The following GABRR3 variants were observed in gnomAD, a reference collection of about 807,000 sequenced individuals.
GABRR3 encodes gamma-aminobutyric acid type A receptor subunit rho3, also known as gamma-aminobutyric acid receptor subunit rho-3.
GABRR3 carries 29 observed loss-of-function variants against 43.2 expected under a neutral mutation model. The ratio of observed to expected loss-of-function variants is 0.67; its 90% confidence interval spans 0.50 to 0.92. The LOEUF (loss-of-function observed/expected upper bound fraction) is 0.92. Ranked by LOEUF, GABRR3 falls within the 40% of genes least tolerant of loss-of-function variation. The pLI is 0.00. For synonymous variants in GABRR3, 206 were observed against 195.9 expected, an observed-to-expected ratio of 1.05 and a Z score of -0.43; for missense variants, 576 against 572.3, an observed-to-expected ratio of 1.01 and a Z score of -0.07.
chr3:98,002,428 C>T (rs548286660), intron 7 of GABRR3, among the ~76,000 whole-genome samples: 13 of 152,256 alleles, frequency 8.5e-5, no homozygotes, highest in African/African-American at 2.6e-4. Context: ...GTGGTGACAT[C>T]CACACACACA....
rs753675514 is a variant in GABRR3, at chr3:98,030,721, A to G, written c.125+4142T>C. 5.8e-4 allele frequency among the ~76,000 whole-genome samples: 89 copies of G among 152,350 alleles called. 1 individual carries two copies. Among genetic ancestry groups the G allele is most frequent in the Non-Finnish European group, 1.1e-3 (77 of 68,038 alleles). On this transcript the variant is annotated intron_variant, in intron 2 of 9. Coordinates refer to ENST00000621172, the Ensembl canonical transcript of GABRR3. ...CCATTCTCCTTGTCATTCTAGAAGC[A>G]TGGCCTCTTGATAACATGGACGTTT...
intron 3 of GABRR3, among the ~76,000 whole-genome samples, chr3:98,018,004 CTT>C (rs10710938): frequency 0.026 from 3,583 of 136,942 alleles, 109 homozygotes; most frequent in African/African-American, 0.082. Context: ...CTCCAGTTTT[CTT>C]TTTTTTTTTT....
intron 8 of GABRR3, 177 bp downstream of exon 8, chr3:98,001,438 A>G (rs1355901970): frequency 9.7e-6 from 6 of 619,110 alleles, no homozygotes; most frequent in Non-Finnish European, 1.7e-5. Flanking sequence ...CAAGGAAAGA[A>G]CTCAATTACA....
chr3:98,024,366 C>CAAAAAAAA (rs35090836), intron 3 of GABRR3, among the ~76,000 whole-genome samples: 5 of 42,468 alleles, frequency 1.2e-4, no homozygotes, highest in African/African-American at 2.4e-4. Flanking sequence ...GACTCCGTCT[C>CAAAAAAAA]AAAAAAAAAA....
At chr3:98,027,547 G>C (rs1665304303) in intron 2 of GABRR3, among the ~76,000 whole-genome samples, 1 of 152,232 alleles carries the variant, frequency 6.6e-6, no homozygotes, top group African/African-American at 2.4e-5. Context: ...TCCCAAGAAT[G>C]CTTAAGACAG....
At chr3:98,016,062 C>G (rs1240423872) in intron 4 of GABRR3, among the ~76,000 whole-genome samples, 1 of 152,078 alleles carries the variant, frequency 6.6e-6, no homozygotes, top group East Asian at 1.9e-4. Flanking sequence ...GGGAAACTGC[C>G]ACTTTCAAAT....
At chr3:97,989,696 G>A (rs1706437620) in intron 9 of GABRR3, among the ~76,000 whole-genome samples, 1 of 152,012 alleles carries the variant, frequency 6.6e-6, no homozygotes, top group African/African-American at 2.4e-5. Flanking sequence ...TCCCTTTTGA[G>A]TCCTCCATTT....
At chr3:98,029,281 C>T (rs1707057770) in intron 2 of GABRR3, among the ~76,000 whole-genome samples, 1 of 152,118 alleles carries the variant, frequency 6.6e-6, no homozygotes, top group African/African-American at 2.4e-5. Flanking sequence ...CTCTTCCTTC[C>T]TGGGTCACAC....
At chr3:98,021,164 C>A (rs1042234672) in intron 3 of GABRR3, among the ~76,000 whole-genome samples, 7 of 152,038 alleles carry the variant, frequency 4.6e-5, no homozygotes, top group Admixed American at 3.9e-4. Context: ...TGCACCAGGC[C>A]GTCATTTCTG....
At chr3:98,001,828 G>T in intron 7 of GABRR3, 61 bp from the exon 8 acceptor site, 1 of 1,578,092 alleles carries the variant, frequency 6.3e-7, no homozygotes, top group Non-Finnish European at 8.7e-7. Flanking sequence ...ACTGCACTTA[G>T]TGAAATGACC....
rs371727976 is a variant in GABRR3 at position 97,998,046 on chromosome 3, TTATAA to T, written c.907+3564_907+3568del. The T allele has an allele frequency of 1.2e-4, 18 of 152,138 alleles. No individual in the cohort carries two copies. In the East Asian group the frequency reaches 1.5e-3, roughly 13 times the overall value. The allele number at this position is 152,138 out of a possible 1,614,324, so 9.4% of individuals were successfully genotyped here. The stretch of plus-strand genomic sequence containing the variant: ...AAGATGAAATACATAGCATAGCCAA[TTATAA>T]TATAATTCTGACAATTAAAAATAGT... On this transcript the variant is annotated intron_variant, in intron 8 of 9. Coordinates refer to ENST00000621172, the Ensembl canonical transcript of GABRR3.
intron 5 of GABRR3, among the ~76,000 whole-genome samples, chr3:98,010,498 A>G (rs913786978): frequency 6.6e-6 from 1 of 152,112 alleles, no homozygotes; most frequent in African/African-American, 2.4e-5. Context: ...CAAAGTCTCC[A>G]CCGTAAATCA....
chr3:97,992,707 A>G, intron 9 of GABRR3, 145 bp downstream of exon 9: 1 of 667,256 alleles, frequency 1.5e-6, no homozygotes, highest in Non-Finnish European at 2.4e-6. Context: ...GTTCAATGTT[A>G]AATTGTCACC....
intron 2 of GABRR3, among the ~76,000 whole-genome samples, chr3:98,033,383 A>G (rs1401942717): frequency 1.3e-5 from 2 of 152,156 alleles, no homozygotes; most frequent in African/African-American, 4.8e-5. Context: ...TTTCCTTTAC[A>G]TAGGATCTAA....
intron 3 of GABRR3, among the ~76,000 whole-genome samples, chr3:98,018,573 G>A (rs1706901498): frequency 6.6e-6 from 1 of 152,088 alleles, no homozygotes; most frequent in Admixed American, 6.5e-5. Flanking sequence ...CTTCCAGTGT[G>A]AGTCGAAATT....
chr3:98,018,705 G>A (rs115520613), intron 3 of GABRR3, among the ~76,000 whole-genome samples: 1 of 151,984 alleles, frequency 6.6e-6, no homozygotes, highest in African/African-American at 2.4e-5. Flanking sequence ...AGCCATTCTC[G>A]ATTAAACCTT....
intron 7 of GABRR3, among the ~76,000 whole-genome samples, chr3:98,004,974 T>C (rs1367143486): frequency 6.6e-6 from 1 of 152,118 alleles, no homozygotes; most frequent in East Asian, 1.9e-4. Flanking sequence ...GCTCATGAAC[T>C]AAAATAAGTT....
At chr3:97,996,957 C>G (rs1465916819) in intron 8 of GABRR3, among the ~76,000 whole-genome samples, 1 of 152,144 alleles carries the variant, frequency 6.6e-6, no homozygotes, top group East Asian at 1.9e-4. Flanking sequence ...ACACTGGCAA[C>G]TTAACAACTA....
At chr3:98,028,108 A>C (rs936463719) in intron 2 of GABRR3, among the ~76,000 whole-genome samples, 2 of 152,124 alleles carry the variant, frequency 1.3e-5, no homozygotes, top group Non-Finnish European at 2.9e-5. Context: ...ATACTTATTA[A>C]AATTAAGAAT....
Sources: gnomAD v4.1 joint callset for allele counts (sites outside exome capture counted in the v4.1 genomes callset) on GRCh38, gnomAD v4.1.1 for gene constraint, MANE v1.5 for transcripts, NCBI Gene and HGNC (gene_info 2026-07-23, HGNC 2026-07-21) for gene names.